The following UBE3D variants were observed in gnomAD, a reference collection of about 807,000 sequenced individuals.
The protein encoded by UBE3D is E3 ubiquitin-protein ligase E3D.
In UBE3D, 48 loss-of-function variants were observed where a neutral mutation model predicts 49.6. The ratio of observed to expected loss-of-function variants is 0.97; its 90% CI spans 0.77 to 1.23. UBE3D has a LOEUF of 1.23. Ranked by LOEUF, UBE3D falls within the 50% of genes most tolerant of loss-of-function variation. The probability of loss-of-function intolerance (pLI) is 0.00; values close to 1 mark genes in which losing one functional copy is unlikely to be tolerated. For missense variants in UBE3D, 452 were observed against 468.4 expected (o/e 0.96, Z 0.32); for synonymous variants, 189 against 174.2 (o/e 1.08, Z -0.67).
At chr6:82,960,925 A>G (rs970107834) in intron 8 of UBE3D, among the ~76,000 whole-genome samples, 4 of 152,262 alleles carry the variant, frequency 2.6e-5, no homozygotes, top group Middle Eastern at 3.4e-3. Context: ...GGTTCACTGA[A>G]GCTACTTTCA....
intron 8 of UBE3D, among the ~76,000 whole-genome samples, chr6:82,985,008 CTTTTTTTTTTTT>C (rs70987727): frequency 1.9e-5 from 1 of 52,998 alleles, no homozygotes; most frequent in Non-Finnish European, 3.3e-5. Flanking sequence ...TCTTCTTCTT[CTTTTTTTTTTTT>C]TTTTTTTTTT....
At chr6:83,046,188 T>C (rs898951242) in intron 3 of UBE3D, among the ~76,000 whole-genome samples, 5 of 152,200 alleles carry the variant, frequency 3.3e-5, no homozygotes, top group Admixed American at 1.3e-4. Flanking sequence ...TAAATTAATG[T>C]ACATTCAGAT....
At chr6:82,887,399 T>G (rs796296346), downstream of UBE3D, among the ~76,000 whole-genome samples, 23,163 of 138,966 alleles carry the variant, frequency 0.17, 2,801 homozygotes, top group Admixed American at 0.29. Flanking sequence ...GTTTTTTTTT[T>G]TTTTTTTTTT....
At position 82,926,051 on chromosome 6, in the gene UBE3D, G is replaced by C. The variant is rs557529725; in HGVS notation, c.1149+31261C>G. On this transcript the variant is annotated intron_variant, in intron 9 of 9. Coordinates refer to ENST00000369747, the MANE Select transcript of UBE3D (RefSeq NM_198920.3). ...TTACTCAAGAGGATATAAAAACAATGATCTAATGATCATCTTTCAAAAATA... is the reference window on the plus strand; with the variant it reads ...TTACTCAAGAGGATATAAAAACAATCATCTAATGATCATCTTTCAAAAATA... Among the ~76,000 whole-genome samples the C allele has an allele frequency of 1.2e-4, 19 of 152,010 alleles. No individual in the cohort carries two copies. In the East Asian group the frequency reaches 3.7e-3, roughly 29 times the overall value.
intron 1 of UBE3D, among the ~76,000 whole-genome samples, chr6:83,065,064 G>A (rs562198015): frequency 1.3e-5 from 2 of 152,310 alleles, no homozygotes; most frequent in Admixed American, 1.3e-4. Context: ...CGTTCTCACT[G>A]GAAGGAAGAA....
intron 1 of UBE3D, among the ~76,000 whole-genome samples, chr6:83,065,265 G>C (rs892564933): frequency 1.3e-5 from 2 of 152,226 alleles, no homozygotes; most frequent in Non-Finnish European, 2.9e-5. Context: ...AAGAGAGACA[G>C]ACAAATCATT....
chr6:83,059,753 C>T (rs1398539085), intron 1 of UBE3D, among the ~76,000 whole-genome samples: 2 of 151,910 alleles, frequency 1.3e-5, no homozygotes, highest in Non-Finnish European at 1.5e-5. Context: ...GGAGGGCATC[C>T]ATAGGGCCAA....
At chr6:82,953,522 T>C (rs1775947086) in intron 9 of UBE3D, among the ~76,000 whole-genome samples, 1 of 152,204 alleles carries the variant, frequency 6.6e-6, no homozygotes, top group African/African-American at 2.4e-5. Context: ...CCTGAGTGTA[T>C]ACTGTACGTA....
chr6:83,016,567 A>G (rs1392910735), intron 8 of UBE3D, among the ~76,000 whole-genome samples: 2 of 152,094 alleles, frequency 1.3e-5, no homozygotes, highest in Non-Finnish European at 2.9e-5. Flanking sequence ...TGTATTAGTC[A>G]GGGCTCTCTA....
rs1203204472 is a variant in UBE3D at position 82,966,637 on chromosome 6, G to T, written c.1011-9187C>A. 1.8e-4 allele frequency among the ~76,000 whole-genome samples: 10 copies of T among 56,060 alleles called. 1 individual carries two copies. Among genetic ancestry groups the T allele is most frequent in the Non-Finnish European group, 2.9e-4 (9 of 31,086 alleles). 36.8% of individuals were successfully genotyped at this position (56,060 alleles called of 152,430 possible). On this transcript the variant is annotated intron_variant, in intron 8 of 9. Coordinates refer to ENST00000369747, the MANE Select transcript of UBE3D (RefSeq NM_198920.3). ...TGCACTCCAGCCTGGGCGACAGAGC[G>T]AGACTCCGTCTCAAAAAAAAAAAAA...
chr6:82,916,048 T>C (rs1772893108), intron 9 of UBE3D, among the ~76,000 whole-genome samples: 1 of 152,226 alleles, frequency 6.6e-6, no homozygotes, highest in African/African-American at 2.4e-5. Flanking sequence ...AAAGTCATAA[T>C]CATTTATTTA....
At chr6:82,950,281 C>A (rs887383509) in intron 9 of UBE3D, among the ~76,000 whole-genome samples, 4 of 152,126 alleles carry the variant, frequency 2.6e-5, no homozygotes, top group Non-Finnish European at 5.9e-5. Flanking sequence ...AATCATTGAT[C>A]ATCAGAGAAA....
intron 9 of UBE3D, among the ~76,000 whole-genome samples, chr6:82,909,737 T>C (rs1471263963): frequency 6.6e-6 from 1 of 152,192 alleles, no homozygotes; most frequent in Non-Finnish European, 1.5e-5. Flanking sequence ...TCTGTCACCT[T>C]CATGTTGATT....
chr6:83,048,944 A>G (rs1028474248), intron 3 of UBE3D, among the ~76,000 whole-genome samples: 1 of 152,172 alleles, frequency 6.6e-6, no homozygotes, highest in East Asian at 1.9e-4. Flanking sequence ...AAAAACAGTG[A>G]AACGATTTCC....
downstream of UBE3D, among the ~76,000 whole-genome samples, chr6:82,891,240 A>G (rs556143163): frequency 1.3e-5 from 2 of 152,342 alleles, no homozygotes; most frequent in Non-Finnish European, 2.9e-5. Context: ...ATCTACAGAT[A>G]TTTTTGGTCA....
intron 3 of UBE3D, among the ~76,000 whole-genome samples, chr6:83,051,228 T>C (rs1393537233): frequency 6.6e-6 from 1 of 152,124 alleles, no homozygotes; most frequent in Non-Finnish European, 1.5e-5. Flanking sequence ...CAAACACAAC[T>C]TCCCAGCTAC....
rs1194518627 is a variant in UBE3D at position 83,065,824 on chromosome 6, T to G, written c.-106A>C. 18 of 1,200,628 alleles carry G rather than the reference T, an allele frequency of 1.5e-5. No homozygotes were observed. Among genetic ancestry groups the G allele is most frequent in the Non-Finnish European group, 2.1e-5 (18 of 848,728 alleles). The allele number at this position is 1,200,628 out of a possible 1,614,324, so 74.4% of individuals were successfully genotyped here. On this transcript the variant is annotated 5_prime_UTR_variant, in exon 1 of 10. Coordinates refer to ENST00000369747, the MANE Select transcript of UBE3D (RefSeq NM_198920.3). Reference sequence around the variant, plus strand: ...GCGGACCAACCAGCGGCAGCCCCGCTGCGGCGCAGGCGCCTGTGCCAGATC... The same window carrying G: ...GCGGACCAACCAGCGGCAGCCCCGCGGCGGCGCAGGCGCCTGTGCCAGATC...
intron 9 of UBE3D, among the ~76,000 whole-genome samples, chr6:82,917,021 C>A (rs1051843510): frequency 6.6e-6 from 1 of 152,086 alleles, no homozygotes; most frequent in Admixed American, 6.5e-5. Context: ...CTTAAAAAAA[C>A]CAAAGGAAAA....
intron 8 of UBE3D, among the ~76,000 whole-genome samples, chr6:83,010,254 T>C (rs1780248232): frequency 6.6e-6 from 1 of 152,012 alleles, no homozygotes; most frequent in South Asian, 2.1e-4. Context: ...TTCCAAATCA[T>C]TGGAAGAAAG....
Sources: gnomAD v4.1 joint callset for allele counts (sites outside exome capture counted in the v4.1 genomes callset) on GRCh38, gnomAD v4.1.1 for gene constraint, MANE v1.5 for transcripts, NCBI Gene and HGNC (gene_info 2026-07-23, HGNC 2026-07-21) for gene names.